NPR3: variants seen among roughly 807,000 people sequenced by gnomAD.
The protein encoded by NPR3 is natriuretic peptide receptor 3.
Under a neutral mutation model 54.5 loss-of-function variants are expected in NPR3, and 34 were observed. That is an observed-to-expected ratio of 0.62 (90% confidence interval 0.47 to 0.83). The LOEUF (loss-of-function observed/expected upper bound fraction) is 0.83. Among genes scored for constraint, NPR3 ranks in the 40% least tolerant of loss-of-function variants. The probability of loss-of-function intolerance (pLI) is 0.00; values close to 1 mark genes in which losing one functional copy is unlikely to be tolerated. For synonymous variants in NPR3, 289 were observed against 297.1 expected (o/e 0.97, Z 0.28); for missense variants, 674 against 720.8 (o/e 0.94, Z 0.74).
At chr5:32,717,465 C>A (rs1738618351) in intron 1 of NPR3, among the ~76,000 whole-genome samples, 1 of 152,160 alleles carries the variant, frequency 6.6e-6, no homozygotes, top group South Asian at 2.1e-4. Context: ...ATTTACACTC[C>A]CACCAACAGT....
chr5:32,778,139 A>G (rs1346548278), intron 4 of NPR3, among the ~76,000 whole-genome samples: 3 of 152,172 alleles, frequency 2.0e-5, no homozygotes, highest in Admixed American at 6.5e-5. Flanking sequence ...ATTTTCCCAT[A>G]GGCCATCTTG....
At chr5:32,760,509 T>C (rs1362976099) in intron 3 of NPR3, among the ~76,000 whole-genome samples, 3 of 152,244 alleles carry the variant, frequency 2.0e-5, no homozygotes, top group African/African-American at 7.2e-5. Context: ...TCTGCTGAAA[T>C]ACTTTGCTTA....
intron 3 of NPR3, among the ~76,000 whole-genome samples, chr5:32,764,278 CT>C (rs1561120406): frequency 6.6e-6 from 1 of 152,212 alleles, no homozygotes; most frequent in East Asian, 1.9e-4. Flanking sequence ...TTGATATCAG[CT>C]CTCACCTATC....
intron 3 of NPR3, among the ~76,000 whole-genome samples, chr5:32,752,070 G>C (rs150317185): frequency 1.4e-4 from 22 of 152,202 alleles, no homozygotes; most frequent in Admixed American, 4.6e-4. Context: ...TGAGTGTGGT[G>C]GTGGGTGCCT....
chr5:32,732,247 CAAAAAAAAAAAAAAAAAA>C (rs34564234), intron 2 of NPR3, among the ~76,000 whole-genome samples: 11 of 33,000 alleles, frequency 3.3e-4, no homozygotes, highest in South Asian at 1.5e-3. Context: ...GACTCCGTCT[CAAAAAAAAAAAAAAAAAA>C]AAAAAAAAAA....
At chr5:32,714,186 C>T (rs1738421527) in intron 1 of NPR3, among the ~76,000 whole-genome samples, 3 of 152,164 alleles carry the variant, frequency 2.0e-5, no homozygotes, top group South Asian at 2.1e-4. Flanking sequence ...GGGGTGTGTC[C>T]CCCTATGGGC....
rs1742910898 is a variant in NPR3, at chr5:32,791,503, G to C, written c.*5158G>C. 1 of 167,066 alleles carries C rather than the reference G, an allele frequency of 6.0e-6. No individual in the cohort carries two copies. Among genetic ancestry groups the C allele is most frequent in the African/African-American group, 2.4e-5 (1 of 41,448 alleles). 10.3% of individuals were successfully genotyped at this position (167,066 alleles called of 1,614,324 possible). A position where few individuals can be genotyped will look rare whatever the true frequency, so the allele number is the denominator to read the frequency against. The stretch of plus-strand genomic sequence containing the variant: ...ATATAATGTGATTTAATTTATTGCT[G>C]TTTTGTGTAGAAAAGGAGAACTAAT... On this transcript the variant is annotated 3_prime_UTR_variant, in exon 8 of 8. Coordinates refer to ENST00000265074, the MANE Select transcript of NPR3 (RefSeq NM_001204375.2).
chr5:32,785,138 ATTTTTTTTTT>A (rs11427729), intron 7 of NPR3, among the ~76,000 whole-genome samples: 7 of 90,900 alleles, frequency 7.7e-5, no homozygotes, highest in South Asian at 4.1e-4. Flanking sequence ...TTGATCACAG[ATTTTTTTTTT>A]TTTTTTTTTT....
chr5:32,720,159 A>G (rs1738777609), intron 1 of NPR3, among the ~76,000 whole-genome samples: 1 of 152,232 alleles, frequency 6.6e-6, no homozygotes, highest in African/African-American at 2.4e-5. Flanking sequence ...ACCATGTGAC[A>G]AAAGAAGCCC....
At chr5:32,767,084 T>G (rs1741513459) in intron 3 of NPR3, among the ~76,000 whole-genome samples, 1 of 152,248 alleles carries the variant, frequency 6.6e-6, no homozygotes, top group Non-Finnish European at 1.5e-5. Context: ...AAGGACATTG[T>G]CAGTCTTAGT....
intron 2 of NPR3, among the ~76,000 whole-genome samples, chr5:32,728,849 ATATATATATATATATATATATATATATG>A (rs1739288819): frequency 8.5e-6 from 1 of 117,478 alleles, no homozygotes; most frequent in Non-Finnish European, 1.7e-5. Context: ...ATATATATAT[ATATATATATATATATATATATATATATG>A]TAAAATGAGA....
chr5:32,710,310 G>C (rs1488539997), upstream of NPR3: 1 of 159,678 alleles, frequency 6.3e-6, no homozygotes, highest in African/African-American at 2.4e-5. Flanking sequence ...CACTCAGGTT[G>C]GAGGGGAGCG....
intron 2 of NPR3, among the ~76,000 whole-genome samples, chr5:32,736,470 C>G (rs964811526): frequency 6.6e-6 from 1 of 152,044 alleles, no homozygotes; most frequent in Non-Finnish European, 1.5e-5. Context: ...AACTTTTTTC[C>G]AGAGCTGAGA....
chr5:32,752,134 G>A (rs1308645881), intron 3 of NPR3, among the ~76,000 whole-genome samples: 1 of 152,136 alleles, frequency 6.6e-6, no homozygotes, highest in Admixed American at 6.5e-5. Flanking sequence ...AACCCAGGAG[G>A]TGGAGGTTGC....
chr5:32,784,790 T>C lies in NPR3; in HGVS notation c.1427-6T>C. ...GAACCCTGATTATCCATGCTTCTTT[T>C]TCAAGCAGGTGGCCTAGAAGAATCG... On this transcript the variant is annotated splice_polypyrimidine_tract_variant and splice_region_variant and intron_variant, in intron 6 of 7. Transcript: ENST00000265074. The C allele has an allele frequency of 6.2e-7, 1 of 1,611,952 alleles. No individual in the cohort carries two copies. Among genetic ancestry groups the C allele is most frequent in the Non-Finnish European group, 8.5e-7 (1 of 1,178,156 alleles).
intron 7 of NPR3, 32 bp downstream of exon 7, chr5:32,784,915 C>A: frequency 1.4e-6 from 2 of 1,438,882 alleles, no homozygotes; most frequent in South Asian, 2.3e-5. Context: ...ACAATTCACT[C>A]TCTTCTGCTG....
At position 32,788,849 on chromosome 5, in the gene NPR3, A is replaced by G. The variant is rs1742762371; in HGVS notation, c.*2504A>G. The G allele has an allele frequency of 6.6e-6, 1 of 152,200 alleles. No homozygotes were observed. Among genetic ancestry groups the G allele is most frequent in the Non-Finnish European group, 1.5e-5 (1 of 68,056 alleles). 9.4% of individuals were successfully genotyped at this position (152,200 alleles called of 1,614,324 possible). On this transcript the variant is annotated 3_prime_UTR_variant, in exon 8 of 8. Transcript: ENST00000265074. The stretch of plus-strand genomic sequence containing the variant: ...TTGATTGCTTATTTACATGTCAGTC[A>G]TCTACTTTTTTTCTTTGAAATCTGC...
intron 1 of NPR3, among the ~76,000 whole-genome samples, chr5:32,701,092 A>T (rs933742108): frequency 6.6e-6 from 1 of 152,174 alleles, no homozygotes; most frequent in Admixed American, 6.5e-5. Context: ...CACCATTCTA[A>T]CTGGCGCGAG....
At chr5:32,717,784 A>C (rs1159256133) in intron 1 of NPR3, among the ~76,000 whole-genome samples, 1 of 151,820 alleles carries the variant, frequency 6.6e-6, no homozygotes, top group East Asian at 1.9e-4. Context: ...GATTGCAAAA[A>C]TTTTCTCCCA....
Sources: gnomAD v4.1 joint callset for allele counts (sites outside exome capture counted in the v4.1 genomes callset) on GRCh38, gnomAD v4.1.1 for gene constraint, MANE v1.5 for transcripts, NCBI Gene and HGNC (gene_info 2026-07-23, HGNC 2026-07-21) for gene names.